The following AGBL4 variants were observed in gnomAD, a reference collection of about 807,000 sequenced individuals.
AGBL4 encodes the protein cytosolic carboxypeptidase 6.
In AGBL4, 58 loss-of-function variants were observed where a neutral mutation model predicts 66.4. That is an observed-to-expected ratio of 0.87 (90% CI 0.71 to 1.09). The LOEUF (loss-of-function observed/expected upper bound fraction) is 1.09. AGBL4 is among the 50% of genes least tolerant of loss of function. The pLI, the probability that AGBL4 is intolerant of heterozygous loss-of-function variation, is 0.00. For synonymous variants in AGBL4, 234 were observed against 222.9 expected (o/e 1.05, Z -0.44); for missense variants, 579 against 631.0 (o/e 0.92, Z 0.88).
chr1:49,126,956 G>T (rs1230326401), intron 4 of AGBL4, among the ~76,000 whole-genome samples: 1 of 152,058 alleles, frequency 6.6e-6, no homozygotes, highest in East Asian at 1.9e-4. Flanking sequence ...GACAGTTTTA[G>T]CCATAGTATA....
At chr1:49,454,275 C>T (rs1646342497) in intron 3 of AGBL4, among the ~76,000 whole-genome samples, 1 of 151,706 alleles carries the variant, frequency 6.6e-6, no homozygotes, top group South Asian at 2.1e-4. Context: ...TTCAATTGCA[C>T]AGATACTATT....
intron 1 of AGBL4, among the ~76,000 whole-genome samples, chr1:49,860,282 CAT>C (rs1646536290): frequency 6.6e-6 from 1 of 152,156 alleles, no homozygotes. Context: ...GAGACTGAAA[CAT>C]AGTTTACTGG....
intron 6 of AGBL4, among the ~76,000 whole-genome samples, chr1:48,747,626 C>T (rs1177952622): frequency 6.6e-6 from 1 of 152,216 alleles, no homozygotes; most frequent in Non-Finnish European, 1.5e-5. Context: ...CTGTTATTTA[C>T]TTTACCTCTT....
intron 3 of AGBL4, among the ~76,000 whole-genome samples, chr1:49,515,165 T>C (rs1299563682): frequency 6.6e-6 from 1 of 152,046 alleles, no homozygotes; most frequent in Non-Finnish European, 1.5e-5. Flanking sequence ...ATCCAGAATC[T>C]ACAATGAACT....
intron 4 of AGBL4, among the ~76,000 whole-genome samples, chr1:49,103,767 C>T (rs1645244418): frequency 6.6e-6 from 1 of 152,140 alleles, no homozygotes; most frequent in Admixed American, 6.5e-5. Flanking sequence ...CTTTAAGCTA[C>T]TTGCTAATGG....
chr1:49,588,477 G>A (rs1571116316), intron 3 of AGBL4, among the ~76,000 whole-genome samples: 2 of 152,240 alleles, frequency 1.3e-5, no homozygotes, highest in South Asian at 4.1e-4. Context: ...CACTGCTCAA[G>A]GCCTAGGAAG....
At chr1:49,303,411 T>C (rs1420798887) in intron 3 of AGBL4, among the ~76,000 whole-genome samples, 1 of 152,108 alleles carries the variant, frequency 6.6e-6, no homozygotes, top group Non-Finnish European at 1.5e-5. Context: ...TGATCAGTGA[T>C]GTTGAGCTCT....
At chr1:48,624,979 C>T (rs1318690159) in intron 9 of AGBL4, among the ~76,000 whole-genome samples, 1 of 151,734 alleles carries the variant, frequency 6.6e-6, no homozygotes, top group African/African-American at 2.4e-5. Flanking sequence ...GCGATCATAG[C>T]TCACTATAGC....
At chr1:49,301,738 T>A (rs962208502) in intron 3 of AGBL4, among the ~76,000 whole-genome samples, 1 of 152,188 alleles carries the variant, frequency 6.6e-6, no homozygotes, top group African/African-American at 2.4e-5. Context: ...TTGTTTGAGA[T>A]ATTTTTTAGA....
chr1:49,657,844 T>C (rs1043194395), intron 3 of AGBL4, among the ~76,000 whole-genome samples: 1 of 152,116 alleles, frequency 6.6e-6, no homozygotes, highest in Non-Finnish European at 1.5e-5. Flanking sequence ...TTATACCTTA[T>C]ACAAAAATTA....
intron 1 of AGBL4, among the ~76,000 whole-genome samples, chr1:49,947,279 G>A (rs898954473): frequency 2.6e-5 from 4 of 151,802 alleles, no homozygotes; most frequent in African/African-American, 9.7e-5. Flanking sequence ...AATGAACATA[G>A]ATGCAAAAAT....
chr1:49,825,009 A>T (rs1228882293), intron 2 of AGBL4, among the ~76,000 whole-genome samples: 1 of 152,096 alleles, frequency 6.6e-6, no homozygotes, highest in Non-Finnish European at 1.5e-5. Context: ...CTCATAATAG[A>T]GCCTCTCTTA....
At chr1:49,781,019 A>C (rs2147904714) in intron 2 of AGBL4, among the ~76,000 whole-genome samples, 1 of 152,338 alleles carries the variant, frequency 6.6e-6, no homozygotes, top group East Asian at 1.9e-4. Context: ...TGATAAGTAA[A>C]TAGGTGGAAA....
chr1:49,427,075 T>C (rs1645677509), intron 3 of AGBL4, among the ~76,000 whole-genome samples: 1 of 152,036 alleles, frequency 6.6e-6, no homozygotes, highest in South Asian at 2.1e-4. Context: ...CATTTATTTT[T>C]TGAAGTAAGA....
At chr1:49,497,720 ACT>A (rs1354806745) in intron 3 of AGBL4, among the ~76,000 whole-genome samples, 1 of 151,632 alleles carries the variant, frequency 6.6e-6, no homozygotes, top group Non-Finnish European at 1.5e-5. Context: ...TTCTGGGTTC[ACT>A]CTCTATTTTC....
chr1:49,321,221 G>C (rs747598640), intron 3 of AGBL4, among the ~76,000 whole-genome samples: 5 of 152,270 alleles, frequency 3.3e-5, no homozygotes, highest in Admixed American at 6.5e-5. Context: ...CAGATTTACT[G>C]CCTGAACTTG....
intron 5 of AGBL4, among the ~76,000 whole-genome samples, chr1:48,942,707 G>A (rs1374514989): frequency 5.3e-5 from 8 of 152,140 alleles, no homozygotes; most frequent in Admixed American, 3.3e-4. Flanking sequence ...AAGGGTAGGA[G>A]AGTAGTGAGA....
At chr1:49,116,144 A>G (rs184359247) in intron 4 of AGBL4, among the ~76,000 whole-genome samples, 2,383 of 152,336 alleles carry the variant, frequency 0.016, 30 homozygotes, top group Non-Finnish European at 0.024. Context: ...AAGCTCTTTC[A>G]AAGAGTAGAA....
intron 6 of AGBL4, among the ~76,000 whole-genome samples, chr1:48,664,826 C>T (rs10158785): frequency 2.6e-5 from 4 of 151,940 alleles, no homozygotes; most frequent in South Asian, 2.1e-4. Flanking sequence ...AGTGGGCAGA[C>T]GAAGGGCTGA....
Sources: allele counts gnomAD v4.1 joint callset (sites outside exome capture counted in the v4.1 genomes callset), GRCh38; gene constraint gnomAD v4.1.1; transcripts MANE v1.5; gene names NCBI Gene and HGNC (gene_info 2026-07-23, HGNC 2026-07-21).